The following AGMO variants were observed in gnomAD, a reference collection of about 807,000 sequenced individuals.
The protein encoded by AGMO is glyceryl-ether monooxygenase.
A neutral mutation model predicts 60.2 loss-of-function variants in AGMO; 75 were observed. The ratio of observed to expected loss-of-function variants is 1.25; its 90% CI spans 1.03 to 1.51. The LOEUF (loss-of-function observed/expected upper bound fraction) is 1.51. Among genes scored for constraint, AGMO ranks in the 40% most tolerant of loss-of-function variants. AGMO has a pLI of 0.00. For missense variants in AGMO, 763 were observed against 525.5 expected (o/e 1.45, Z -4.42); for synonymous variants, 261 against 177.1 (o/e 1.47, Z -3.76).
chr7:15,347,033 A>T (rs1049784573), intron 12 of AGMO, among the ~76,000 whole-genome samples: 1 of 152,070 alleles, frequency 6.6e-6, no homozygotes, highest in East Asian at 1.9e-4. Context: ...CCATTTGAAT[A>T]TAAGTAGGTA....
intron 3 of AGMO, among the ~76,000 whole-genome samples, chr7:15,480,417 G>T (rs1782719220): frequency 6.6e-6 from 1 of 152,152 alleles, no homozygotes; most frequent in African/African-American, 2.4e-5. Flanking sequence ...GTGCATAGTT[G>T]ATGGGGTAAA....
chr7:15,303,061 G>A (rs976796949), intron 12 of AGMO, among the ~76,000 whole-genome samples: 12 of 151,996 alleles, frequency 7.9e-5, no homozygotes, highest in Non-Finnish European at 1.2e-4. Context: ...ATCCACACAG[G>A]GAGAACAGAA....
intron 10 of AGMO, among the ~76,000 whole-genome samples, chr7:15,369,409 G>C (rs184453012): frequency 6.6e-6 from 1 of 152,154 alleles, no homozygotes; most frequent in African/African-American, 2.4e-5. Flanking sequence ...TTAATCCCTA[G>C]TGTTCTCTCT....
chr7:15,560,775 A>G (rs17389416), intron 1 of AGMO, among the ~76,000 whole-genome samples: 6,624 of 152,254 alleles, frequency 0.044, 198 homozygotes, highest in Middle Eastern at 0.095. Flanking sequence ...GTAATTTTAC[A>G]TGTTTGCTTA....
chr7:15,161,804 A>G, the AGMO span, among the ~76,000 whole-genome samples: 1 of 151,992 alleles, frequency 6.6e-6, no homozygotes, highest in South Asian at 2.1e-4. Flanking sequence ...TAATACATAT[A>G]CCATTTGTCT....
chr7:15,143,339 A>AT, the AGMO span, among the ~76,000 whole-genome samples: 1 of 152,188 alleles, frequency 6.6e-6, no homozygotes, highest in Non-Finnish European at 1.5e-5. Flanking sequence ...ACACGCTGTT[A>AT]TTGCCCTAAC....
chr7:15,186,235 A>G, the AGMO span, among the ~76,000 whole-genome samples: 33,572 of 152,230 alleles, frequency 0.22, 3,953 homozygotes, highest in South Asian at 0.32. Context: ...GCTTCCAACA[A>G]TACAAAGGAC....
chr7:15,487,666 T>C (rs923335542), intron 3 of AGMO, among the ~76,000 whole-genome samples: 2 of 152,140 alleles, frequency 1.3e-5, no homozygotes, highest in Non-Finnish European at 2.9e-5. Context: ...CGTCCTTATA[T>C]GATTTAAACA....
chr7:15,268,903 T>C (rs76056799), intron 12 of AGMO, among the ~76,000 whole-genome samples: 4,831 of 152,114 alleles, frequency 0.032, 249 homozygotes, highest in African/African-American at 0.11. Context: ...CTAGGACTTG[T>C]AGTAGTCATG....
intron 12 of AGMO, among the ~76,000 whole-genome samples, chr7:15,362,053 C>G (rs1219561810): frequency 1.3e-5 from 2 of 152,150 alleles, no homozygotes; most frequent in Non-Finnish European, 2.9e-5. Flanking sequence ...AGTACAATCA[C>G]TCCTAGTCAG....
At chr7:15,349,871 A>C (rs753920651) in intron 12 of AGMO, among the ~76,000 whole-genome samples, 7 of 152,114 alleles carry the variant, frequency 4.6e-5, no homozygotes, top group Non-Finnish European at 1.0e-4. Flanking sequence ...AACCTCCCCC[A>C]GTGATTGAAT....
At chr7:15,430,933 T>TTTTTTTTTAG in intron 4 of AGMO, 72 bp downstream of exon 4, 1 of 788,670 alleles carries the variant, frequency 1.3e-6, no homozygotes, top group Non-Finnish European at 1.9e-6. Context: ...TTTTTTTTTT[T>TTTTTTTTTAG]GAGGAAATAG....
intron 12 of AGMO, among the ~76,000 whole-genome samples, chr7:15,287,829 A>C (rs1188223381): frequency 6.6e-6 from 1 of 152,118 alleles, no homozygotes; most frequent in African/African-American, 2.4e-5. Flanking sequence ...TACATTACCA[A>C]ATGTTTTTCA....
chr7:15,153,916 T>C, the AGMO span, among the ~76,000 whole-genome samples: 1 of 152,146 alleles, frequency 6.6e-6, no homozygotes, highest in Non-Finnish European at 1.5e-5. Flanking sequence ...GGACACTGAA[T>C]TTGTAGATTA....
Position 15,561,825 on chromosome 7 carries a change from C to G in AGMO, c.21G>C (p.Gln7His). Residue 7 changes from glutamine to histidine, a missense_variant, in exon 1 of 13, where the codon CAG (glutamine) becomes CAC (histidine). Gln to His is a conservative substitution (Grantham distance 24). Coordinates refer to ENST00000342526, the MANE Select transcript of AGMO (RefSeq NM_001004320.2). ...ATCCCTGGGAAACTGAAACATCCTG[C>G]TGGGCTTCTGGGTTCTTCATTTCTG... MKNPEA[Q>H]QDVSVSQGFR... 1 of 1,607,784 alleles carries G rather than the reference C, an allele frequency of 6.2e-7. No homozygotes were observed. Among genetic ancestry groups the G allele is most frequent in the Non-Finnish European group, 8.5e-7 (1 of 1,176,468 alleles).
At chr7:15,288,282 A>C (rs2128521109) in intron 12 of AGMO, among the ~76,000 whole-genome samples, 1 of 152,078 alleles carries the variant, frequency 6.6e-6, no homozygotes, top group East Asian at 1.9e-4. Flanking sequence ...ATACAGTACA[A>C]ATTTTTAAAC....
At chr7:15,499,932 C>CAT (rs1554279782) in intron 3 of AGMO, among the ~76,000 whole-genome samples, 2,839 of 138,958 alleles carry the variant, frequency 0.02, 64 homozygotes, top group African/African-American at 0.053. Context: ...CACACACACA[C>CAT]ATATATATAT....
intron 12 of AGMO, among the ~76,000 whole-genome samples, chr7:15,230,605 AC>A (rs1782231404): frequency 6.6e-6 from 1 of 152,204 alleles, no homozygotes; most frequent in African/African-American, 2.4e-5. Flanking sequence ...CATTTCTAGT[AC>A]AGGCAATTTC....
At chr7:15,237,737 G>A (rs1004350536) in intron 12 of AGMO, among the ~76,000 whole-genome samples, 39 of 151,942 alleles carry the variant, frequency 2.6e-4, no homozygotes, top group African/African-American at 7.5e-4. Context: ...CAGTCTTAAC[G>A]TTCACCTCAG....
Sources: gnomAD v4.1 joint callset for allele counts (sites outside exome capture counted in the v4.1 genomes callset) on GRCh38, gnomAD v4.1.1 for gene constraint, MANE v1.5 for transcripts, NCBI Gene and HGNC (gene_info 2026-07-23, HGNC 2026-07-21) for gene names.